Variants in XIRP2 observed in about 807,000 individuals in gnomAD.
XIRP2 encodes xin actin-binding repeat-containing protein 2.
In XIRP2, 236 loss-of-function variants were observed where a neutral mutation model predicts 277.0. The ratio of observed to expected loss-of-function variants is 0.85; its 90% CI spans 0.77 to 0.95. The LOEUF (loss-of-function observed/expected upper bound fraction) is 0.95, where lower values mean the gene tolerates loss of function less well. Among genes scored for constraint, XIRP2 ranks in the 40% least tolerant of loss-of-function variants. XIRP2 has a pLI of 0.00. For synonymous variants in XIRP2, 1,490 were observed against 1,416.5 expected (o/e 1.05, Z -1.17); for missense variants, 4,640 against 4,157.5 (o/e 1.12, Z -3.19).
intron 2 of XIRP2, among the ~76,000 whole-genome samples, chr2:167,109,983 T>C (rs894164235): frequency 4.6e-5 from 7 of 152,222 alleles, no homozygotes; most frequent in African/African-American, 7.2e-5. Context: ...TTTTGAGACA[T>C]GTCTGTTCAT....
Position 167,028,760 on chromosome 2 carries a change from G to T in XIRP2, c.409-107149G>T, listed in dbSNP as rs184566158. ...GAAATCAAGAATGACAGAGATATTT[G>T]ACCTTTCAGACAAAGAATTCAAAGT... is the stretch of plus-strand genomic sequence containing the variant. On this transcript the variant is annotated intron_variant, in intron 2 of 10. Transcript: ENST00000409195. 2.0e-5 allele frequency among the ~76,000 whole-genome samples: 3 copies of T among 151,848 alleles called. No individual in the cohort carries two copies. The East Asian group carries it at 5.8e-4, about 30-fold the overall frequency.
intron 2 of XIRP2, among the ~76,000 whole-genome samples, chr2:167,011,401 C>T (rs1687675998): frequency 6.6e-6 from 1 of 150,778 alleles, no homozygotes; most frequent in African/African-American, 2.4e-5. Flanking sequence ...TTGAACCAGC[C>T]TTGCATCCCA....
chr2:166,939,353 C>A (rs2105379316), intron 2 of XIRP2, among the ~76,000 whole-genome samples: 1 of 152,124 alleles, frequency 6.6e-6, no homozygotes, highest in South Asian at 2.1e-4. Flanking sequence ...ACTTATGAAG[C>A]TTAGTTTGGC....
chr2:167,243,304 G>A lies in XIRP2; in HGVS notation c.1912G>A (p.Glu638Lys), dbSNP rs1274228365. ...TGGGGCTTATTCTTCTGACACTGTA[G>A]AAAATGCAGAGAAAATTCCTGAGCT... The part of the protein sequence containing the change: ...TLGAYSSDTV[E>K]NAEKIPELAR... The change falls in exon 9 of 11, where the codon GAA becomes AAA. Residue 638 changes from glutamate to lysine, a missense_variant. By Grantham distance (56) the Glu-to-Lys change is moderately conservative (BLOSUM62 1). Transcript: ENST00000409195. 1.2e-6 allele frequency: 2 copies of A among 1,613,680 alleles called. No homozygotes were observed. The highest frequency in any genetic ancestry group is 2.2e-5 in the South Asian group (2 of 90,996).
intron 2 of XIRP2, among the ~76,000 whole-genome samples, chr2:167,011,020 G>A (rs1485335268): frequency 6.6e-6 from 1 of 152,126 alleles, no homozygotes; most frequent in African/African-American, 2.4e-5. Flanking sequence ...TCTGCAAACA[G>A]GGCCAATATG....
chr2:166,981,913 G>A (rs529944091), intron 2 of XIRP2, among the ~76,000 whole-genome samples: 2 of 152,258 alleles, frequency 1.3e-5, no homozygotes, highest in South Asian at 4.1e-4. Context: ...AAACATATTT[G>A]TGTTTTCTCA....
In XIRP2 at chr2:167,244,403, TC is replaced by T. The variant is rs372820032; in HGVS notation, c.3013del (p.Gln1005SerfsTer6). ...PLGKYHQVKT[V>X]QQEEIVRGDV... ...GGAAAATATCATCAAGTAAAGACAGTCCAGCAAGAAGAAATCGTAAGAGGTG... is the reference window on the plus strand; with the variant it reads ...GGAAAATATCATCAAGTAAAGACAGTCAGCAAGAAGAAATCGTAAGAGGTG... On this transcript the variant is annotated frameshift_variant, in exon 9 of 11. Coordinates refer to ENST00000409195, the MANE Select transcript of XIRP2 (RefSeq NM_152381.6). LOFTEE classifies it high-confidence loss of function. 21 of 1,613,664 alleles carry T rather than the reference TC, an allele frequency of 1.3e-5. No individual in the cohort carries two copies. The African/African-American group carries it at 2.7e-4, about 20-fold the overall frequency.
chr2:167,247,059 T>C lies in XIRP2; in HGVS notation c.5667T>C (p.Asp1889=), dbSNP rs2105441203. ...SHRWKESKQP[D]AIPGDIEKAI... ...GATGGAAAGAATCTAAACAGCCTGA[T>C]GCCATCCCTGGTGATATTGAAAAAG... Residue 1889 remains aspartate, a synonymous_variant, in exon 9 of 11, where the codon GAT becomes GAC. Transcript: ENST00000409195. The C allele has an allele frequency of 1.2e-6, 2 of 1,613,096 alleles. No individual in the cohort carries two copies. The highest frequency in any genetic ancestry group is 2.2e-5 in the East Asian group (1 of 44,848).
intron 2 of XIRP2, among the ~76,000 whole-genome samples, chr2:167,013,401 C>T (rs1002838074): frequency 6.6e-6 from 1 of 151,234 alleles, no homozygotes; most frequent in African/African-American, 2.4e-5. Flanking sequence ...TATACTGATG[C>T]GGTCTTAAAT....
intron 3 of XIRP2, among the ~76,000 whole-genome samples, chr2:167,200,662 T>C (rs1485402068): frequency 6.6e-6 from 1 of 152,244 alleles, no homozygotes; most frequent in African/African-American, 2.4e-5. Flanking sequence ...ATCAATACTG[T>C]ATTTCTTGAG....
At position 167,243,995 on chromosome 2, in the gene XIRP2, T is replaced by C. The variant is rs556174062; in HGVS notation, c.2603T>C (p.Ile868Thr). The C allele has an allele frequency of 3.1e-6, 5 of 1,613,872 alleles. No individual in the cohort carries two copies. In the African/African-American group the frequency reaches 5.3e-5, roughly 17 times the overall value. ...GATTCTCTACAACGTGAGGAGATAA[T>C]AGGTGGTGATGTACAAACTACTAAG... ...DADSLQREEI[I>T]GGDVQTTKHL... is the part of the protein sequence containing the mutation. The change falls in exon 9 of 11, where the codon ATA becomes ACA. Residue 868 changes from isoleucine (I) to threonine (T), a missense_variant. Physicochemically the swap from Ile to Thr is moderately conservative, Grantham distance 89. Transcript: ENST00000409195.
chr2:166,975,930 C>CAAAAAAAAAAAAAAAA (rs550529718), intron 2 of XIRP2, among the ~76,000 whole-genome samples: 4 of 45,708 alleles, frequency 8.8e-5, no homozygotes, highest in African/African-American at 1.6e-4. Context: ...GACTCCGTCT[C>CAAAAAAAAAAAAAAAA]AAAAAAAAAA....
At position 167,155,443 on chromosome 2, in the gene XIRP2, T is replaced by A. The variant is rs1245299354; in HGVS notation, c.562+19381T>A. On this transcript the variant is annotated intron_variant, in intron 3 of 10. Coordinates refer to ENST00000409195, the MANE Select transcript of XIRP2 (RefSeq NM_152381.6). The stretch of plus-strand genomic sequence containing the variant: ...CCTGGGATGCAAGGCTGGTTCAATA[T>A]ATGCAAATCAATCAATGTAATCCAG... Among the ~76,000 whole-genome samples the A allele has an allele frequency of 2.6e-5, 4 of 152,152 alleles. No homozygotes were observed. The East Asian group carries it at 7.7e-4, about 29-fold the overall frequency.
At chr2:167,171,226 G>T (rs114955471) in intron 3 of XIRP2, among the ~76,000 whole-genome samples, 1 of 151,960 alleles carries the variant, frequency 6.6e-6, no homozygotes, top group Non-Finnish European at 1.5e-5. Context: ...TGCATTTAGC[G>T]CTAAAAATGT....
intron 9 of XIRP2, among the ~76,000 whole-genome samples, chr2:167,252,789 T>C (rs190707443): frequency 3.3e-5 from 5 of 152,046 alleles, no homozygotes; most frequent in East Asian, 1.9e-4. Context: ...TTTAGACAGA[T>C]TGAAAGAAAT....
At chr2:167,189,928 A>G (rs1368522165) in intron 3 of XIRP2, among the ~76,000 whole-genome samples, 3 of 152,134 alleles carry the variant, frequency 2.0e-5, no homozygotes, top group Non-Finnish European at 4.4e-5. Flanking sequence ...CTTTCTGCCA[A>G]CCTGACTAGT....
intron 4 of XIRP2, among the ~76,000 whole-genome samples, chr2:167,215,875 T>C (rs568789585): frequency 6.6e-6 from 1 of 152,190 alleles, no homozygotes; most frequent in Admixed American, 6.5e-5. Flanking sequence ...CGAAGGGGCA[T>C]AGGTCTCACA....
intron 2 of XIRP2, among the ~76,000 whole-genome samples, chr2:167,036,631 G>T (rs187186975): frequency 1.3e-5 from 2 of 152,152 alleles, no homozygotes; most frequent in South Asian, 4.1e-4. Flanking sequence ...AGACTTTTGG[G>T]TTAATGCTGA....
At position 167,084,823 on chromosome 2, in the gene XIRP2, C is replaced by G. The variant is rs1441223808; in HGVS notation, c.409-51086C>G. On this transcript the variant is annotated intron_variant, in intron 2 of 10. Transcript: ENST00000409195. ...CATTTTTTATTGTGTCTATTTGATT[C>G]TTCTCTCTTTTTTTCTTTATTAGTC... Among the ~76,000 whole-genome samples, 3 of 150,564 alleles carry G rather than the reference C, an allele frequency of 2.0e-5. No individual in the cohort carries two copies. The South Asian group carries it at 6.3e-4, about 32-fold the overall frequency.
Sources: allele counts gnomAD v4.1 joint callset (sites outside exome capture counted in the v4.1 genomes callset), GRCh38; gene constraint gnomAD v4.1.1; transcripts MANE v1.5; gene names NCBI Gene and HGNC (gene_info 2026-07-23, HGNC 2026-07-21).